SCNN1B: variants seen among roughly 807,000 people sequenced by gnomAD.
SCNN1B encodes epithelial sodium channel subunit beta.
SCNN1B carries 46 observed loss-of-function variants against 65.3 expected under a neutral mutation model. The observed-to-expected ratio is 0.70, with a 90% CI of 0.56 to 0.90. The LOEUF (loss-of-function observed/expected upper bound fraction) is 0.90. Ranked by LOEUF, SCNN1B falls within the 40% of genes least tolerant of loss-of-function variation. The probability of loss-of-function intolerance (pLI) is 0.00; values close to 1 mark genes in which losing one functional copy is unlikely to be tolerated. For synonymous variants in SCNN1B, 349 were observed against 330.6 expected (o/e 1.06, Z -0.60); for missense variants, 751 against 830.5 (o/e 0.90, Z 1.18).
rs774128668 is a variant in SCNN1B at position 23,352,937 on chromosome 16, C to G, written c.448C>G (p.Leu150Val). 20 of 1,614,226 alleles carry G rather than the reference C, an allele frequency of 1.2e-5. No individual in the cohort carries two copies. Among genetic ancestry groups the G allele is most frequent in the Non-Finnish European group, 1.7e-5 (20 of 1,180,042 alleles). The change falls in exon 3 of 13, where the codon CTG becomes GTG. Residue 150 changes from leucine to valine, a missense_variant. Transcript: ENST00000343070. ...CTTCTCCATCTGGAACCACACACCCCTGGTCCTTATTGATGAACGGAACCC... is the reference window on the plus strand; with the variant it reads ...CTTCTCCATCTGGAACCACACACCCGTGGTCCTTATTGATGAACGGAACCC... ...LNFSIWNHTP[L>V]VLIDERNPHH...
intron 2 of SCNN1B, among the ~76,000 whole-genome samples, chr16:23,287,875 G>T (rs1960872536): frequency 6.6e-6 from 1 of 150,864 alleles, no homozygotes; most frequent in African/African-American, 2.4e-5. Context: ...AAACTCCTGG[G>T]TTGAAGCAGT....
At chr16:23,350,783 C>T (rs546837640) in intron 2 of SCNN1B, among the ~76,000 whole-genome samples, 35 of 152,218 alleles carry the variant, frequency 2.3e-4, no homozygotes, top group Middle Eastern at 6.8e-3. Context: ...TGTGCTGGCA[C>T]ATGCCTGTAA....
intron 1 of SCNN1B, among the ~76,000 whole-genome samples, chr16:23,305,188 T>A (rs533358904): frequency 1.3e-5 from 2 of 152,078 alleles, no homozygotes; most frequent in Non-Finnish European, 1.5e-5. Context: ...TGCCTGGTCC[T>A]GGGTTAAGAC....
intron 1 of SCNN1B, among the ~76,000 whole-genome samples, chr16:23,347,151 ACCAGCCTTTAATG>A (rs1962207367): frequency 6.6e-6 from 1 of 152,164 alleles, no homozygotes; most frequent in Non-Finnish European, 1.5e-5. Context: ...ATTCTAAACC[ACCAGCCTTTAATG>A]CCTCTAGCAT....
chr16:23,378,348 C>T (rs1962957149), intron 10 of SCNN1B, among the ~76,000 whole-genome samples: 1 of 152,196 alleles, frequency 6.6e-6, no homozygotes, highest in Non-Finnish European at 1.5e-5. Flanking sequence ...CAGGGAAGGC[C>T]TCTCTGAAAA....
intron 4 of SCNN1B, among the ~76,000 whole-genome samples, chr16:23,365,587 G>GAAAGAGAAAGAAAGAA (rs373917735): frequency 9.2e-5 from 8 of 86,958 alleles, no homozygotes; most frequent in African/African-American, 5.0e-4. Flanking sequence ...AAGAAAGAAA[G>GAAAGAGAAAGAAAGAA]AGAAAGAAAG....
chr16:23,324,825 C>G (rs1961659114), intron 1 of SCNN1B, among the ~76,000 whole-genome samples: 1 of 152,206 alleles, frequency 6.6e-6, no homozygotes, highest in Admixed American at 6.5e-5. Context: ...GCTGTCAACA[C>G]ACACCACCCA....
At chr16:23,332,811 C>G (rs1051920472) in intron 1 of SCNN1B, among the ~76,000 whole-genome samples, 13 of 152,094 alleles carry the variant, frequency 8.5e-5, no homozygotes, top group Non-Finnish European at 1.6e-4. Flanking sequence ...GTGGCTCATG[C>G]CCGTAATCCC....
At chr16:23,318,818 C>T (rs1269984982) in intron 1 of SCNN1B, among the ~76,000 whole-genome samples, 1 of 152,170 alleles carries the variant, frequency 6.6e-6, no homozygotes, top group African/African-American at 2.4e-5. Flanking sequence ...AAGGCAGCTC[C>T]CTGAAATCCT....
intron 1 of SCNN1B, among the ~76,000 whole-genome samples, chr16:23,315,892 C>G (rs1415900296): frequency 6.6e-6 from 1 of 152,078 alleles, no homozygotes; most frequent in Non-Finnish European, 1.5e-5. Flanking sequence ...TAGGTACATC[C>G]TTACCATCAC....
At chr16:23,378,084 C>T (rs930769819) in intron 10 of SCNN1B, among the ~76,000 whole-genome samples, 1 of 152,224 alleles carries the variant, frequency 6.6e-6, no homozygotes. Context: ...TCACAGCTCA[C>T]TGAAGCCTCG....
rs778079436 is a variant in SCNN1B, at chr16:23,365,521, AAG to A, written c.777-2329_777-2328del. On this transcript the variant is annotated intron_variant, in intron 4 of 12. Coordinates refer to ENST00000343070, the MANE Select transcript of SCNN1B (RefSeq NM_000336.3). ...AAGAAAAAGAAAGAAAGAAAAGAAA[AAG>A]AGAGAAAGAGAGAAGGAAAGAGAAA... Among the ~76,000 whole-genome samples the A allele has an allele frequency of 1.8e-4, 26 of 146,998 alleles. 1 individual carries two copies. The South Asian group carries it at 2.4e-3, about 14-fold the overall frequency.
chr16:23,375,888 C>A, intron 8 of SCNN1B, 33 bp downstream of exon 8: 2 of 1,366,894 alleles, frequency 1.5e-6, no homozygotes, highest in Non-Finnish European at 2.1e-6. Flanking sequence ...GGCACTCCAG[C>A]CATCTGGGGC....
chr16:23,341,142 C>A (rs1962047385), intron 1 of SCNN1B, among the ~76,000 whole-genome samples: 2 of 152,254 alleles, frequency 1.3e-5, no homozygotes, highest in African/African-American at 4.8e-5. Context: ...TGGTATAGAT[C>A]TCCATTTATT....
intron 2 of SCNN1B, among the ~76,000 whole-genome samples, chr16:23,284,276 G>A (rs1289663455): frequency 1.3e-5 from 2 of 151,924 alleles, no homozygotes; most frequent in African/African-American, 2.4e-5. Context: ...ATGGTGGCAC[G>A]TGCCTATAAT....
chr16:23,285,072 A>G (rs1482110814), intron 2 of SCNN1B, among the ~76,000 whole-genome samples: 2 of 152,238 alleles, frequency 1.3e-5, no homozygotes, highest in African/African-American at 4.8e-5. Flanking sequence ...CAGAAAAAAC[A>G]CATTAGTGGA....
rs140611608 is a variant in SCNN1B at position 23,333,037 on chromosome 16, C to T, written c.-8-15555C>T. Among the ~76,000 whole-genome samples the T allele has an allele frequency of 1.4e-3, 213 of 150,998 alleles. 2 individuals are homozygous for T. Among genetic ancestry groups the T allele is most frequent in the African/African-American group, 4.9e-3 (203 of 41,144 alleles). On this transcript the variant is annotated intron_variant, in intron 1 of 12. Transcript: ENST00000343070. ...AGTGAGCCAAAATCGCCCCATTGCA[C>T]TCCAGCCTGGGCGACAGAGTGAGAC... is the stretch of plus-strand genomic sequence containing the variant.
intron 2 of SCNN1B, among the ~76,000 whole-genome samples, chr16:23,293,081 C>T: frequency 7.5e-6 from 1 of 132,552 alleles, no homozygotes; most frequent in African/African-American, 2.9e-5. Context: ...CGCCACTGTA[C>T]TCCAGTCTGG....
rs189841332 is a variant in SCNN1B at position 23,322,004 on chromosome 16, G to T, written c.-9+19567G>T. Among the ~76,000 whole-genome samples the T allele has an allele frequency of 1.0e-3, 154 of 152,266 alleles. 2 individuals are homozygous for T. The highest frequency in any genetic ancestry group is 6.9e-3 in the Admixed American group (106 of 15,284). ...AGCACCACTGTACTCTGGCCTGGGT[G>T]ACAGAGTGAGACCCTGTCTCAAATA... On this transcript the variant is annotated intron_variant, in intron 1 of 12. Coordinates refer to ENST00000343070, the MANE Select transcript of SCNN1B (RefSeq NM_000336.3).
Sources: gnomAD v4.1 joint callset for allele counts (sites outside exome capture counted in the v4.1 genomes callset) on GRCh38, gnomAD v4.1.1 for gene constraint, MANE v1.5 for transcripts, NCBI Gene and HGNC (gene_info 2026-07-23, HGNC 2026-07-21) for gene names.